The following WDCP variants were observed in gnomAD, a reference collection of about 807,000 sequenced individuals.
WDCP encodes WD repeat and coiled coil containing.
A neutral mutation model predicts 41.6 loss-of-function variants in WDCP; 19 were observed. The ratio of observed to expected loss-of-function variants is 0.46; its 90% CI spans 0.32 to 0.67. The LOEUF (loss-of-function observed/expected upper bound fraction) is 0.67. WDCP is among the 30% of genes least tolerant of loss of function. The pLI, the probability that WDCP is intolerant of heterozygous loss-of-function variation, is 0.04. For missense variants in WDCP, 802 were observed against 850.7 expected, an observed-to-expected ratio of 0.94 and a Z score of 0.71; for synonymous variants, 302 against 320.8, an observed-to-expected ratio of 0.94 and a Z score of 0.63.
At chr2:24,046,388 A>G (rs918478805) in intron 1 of WDCP, among the ~76,000 whole-genome samples, 2 of 152,184 alleles carry the variant, frequency 1.3e-5, no homozygotes, top group African/African-American at 4.8e-5. Context: ...TTGTATACCT[A>G]TTGTTTCACA....
Position 24,037,885 on chromosome 2 carries a change from AGTGTGCTGGTGTGGTCTG to A in WDCP, c.1592_1609del (p.Pro531_Thr536del), listed in dbSNP as rs778019108. The stretch of plus-strand genomic sequence containing the variant: ...TCTTTGAGGCAAACGAGGAGGCTCC[AGTGTGCTGGTGTGGTCTG>A]GTGTGCTGCTGTGTCTGGGCAGCGA... On this transcript the variant is annotated inframe_deletion, in exon 2 of 4. Transcript: ENST00000295148. 4.0e-5 allele frequency: 64 copies of A among 1,614,050 alleles called. 1 individual carries two copies. In the East Asian group the frequency reaches 1.4e-3, roughly 35 times the overall value.
chr2:24,046,778 T>C (rs1663639778), intron 1 of WDCP, among the ~76,000 whole-genome samples: 1 of 152,252 alleles, frequency 6.6e-6, no homozygotes, highest in African/African-American at 2.4e-5. Context: ...AAGAAAATTA[T>C]GACTAATCCC....
In WDCP at chr2:24,038,714, C is replaced by A. The variant is rs778999786; in HGVS notation, c.781G>T (p.Asp261Tyr). The change falls in exon 2 of 4, where the codon GAT becomes TAT. Residue 261 changes from aspartate (D) to tyrosine (Y), a missense_variant. Around this residue, in one of 5 missense-constraint regions of WDCP, gnomAD observed 247 missense variants for 240.5 expected, o/e 1.03. Transcript: ENST00000295148. Reference protein sequence around the residue: ...LPVIGEVRSMDKEATDSETNS... With the variant: ...LPVIGEVRSMYKEATDSETNS... ...GTTTCAGAATCAGTTGCCTCTTTAT[C>A]CATAGAGCGTACTTCACCAATAACT... 4 of 1,614,068 alleles carry A rather than the reference C, an allele frequency of 2.5e-6. No homozygotes were observed. The African/African-American group carries it at 5.3e-5, about 22-fold the overall frequency.
chr2:24,040,294 T>C (rs1488171432), intron 1 of WDCP, among the ~76,000 whole-genome samples: 1 of 152,230 alleles, frequency 6.6e-6, no homozygotes. Context: ...AGCAAAATGT[T>C]AATAATTGTA....
intron 1 of WDCP, among the ~76,000 whole-genome samples, chr2:24,043,223 C>G (rs1202260327): frequency 6.6e-6 from 1 of 152,110 alleles, no homozygotes; most frequent in Admixed American, 6.6e-5. Flanking sequence ...GTAATCCCAG[C>G]TACTTGGGAG....
rs773834149 is a variant in WDCP, at chr2:24,037,886, G to C, written c.1609C>G (p.Leu537Val). The change falls in exon 2 of 4, where the codon CTG becomes GTG. Residue 537 changes from leucine to valine, a missense_variant. Physicochemically the swap from Leu to Val is conservative, Grantham distance 32. Transcript: ENST00000295148. ...HSSTPDHTST[L>V]EPPRLPQRKN... ...CTTTGAGGCAAACGAGGAGGCTCCA[G>C]TGTGCTGGTGTGGTCTGGTGTGCTG... is the stretch of plus-strand genomic sequence containing the variant. 13 of 1,614,078 alleles carry C rather than the reference G, an allele frequency of 8.1e-6. No individual in the cohort carries two copies. Among genetic ancestry groups the C allele is most frequent in the Non-Finnish European group, 1.1e-5 (13 of 1,180,032 alleles).
intron 2 of WDCP, among the ~76,000 whole-genome samples, chr2:24,035,381 A>T (rs189888607): frequency 1.3e-5 from 2 of 152,268 alleles, no homozygotes; most frequent in Admixed American, 1.3e-4. Context: ...TGCATAAAGA[A>T]ATAAAAATAA....
chr2:24,038,618 G>A lies in WDCP; in HGVS notation c.877C>T (p.His293Tyr). 1.9e-6 allele frequency: 3 copies of A among 1,614,122 alleles called. No homozygotes were observed. The highest frequency in any genetic ancestry group is 2.5e-6 in the Non-Finnish European group (3 of 1,179,968). The change falls in exon 2 of 4, where the codon CAT becomes TAT. Residue 293 changes from histidine to tyrosine, a missense_variant. Coordinates refer to ENST00000295148, the MANE Select transcript of WDCP (RefSeq NM_025203.3). ...ATAAGAGAATTACCCTCAGACTTATGTTGATTGAAATGTATGTGAGTTAGA... is the reference window on the plus strand; with the variant it reads ...ATAAGAGAATTACCCTCAGACTTATATTGATTGAAATGTATGTGAGTTAGA... ...LDLTHIHFNQ[H>Y]KSEGNSLICL...
intron 2 of WDCP, among the ~76,000 whole-genome samples, chr2:24,035,229 A>G (rs903996079): frequency 3.3e-5 from 5 of 151,918 alleles, no homozygotes; most frequent in African/African-American, 1.2e-4. Flanking sequence ...GGAAAAAAAG[A>G]TGAAAAAAGA....
intron 3 of WDCP, among the ~76,000 whole-genome samples, chr2:24,031,566 C>CCTA (rs1319553110): frequency 6.6e-6 from 1 of 152,216 alleles, no homozygotes; most frequent in Non-Finnish European, 1.5e-5. Context: ...GTGGCTCACG[C>CCTA]CTATAATCCC....
intron 2 of WDCP, chr2:24,033,285 A>C: frequency 2.2e-6 from 1 of 451,964 alleles, no homozygotes; most frequent in East Asian, 6.6e-5. Context: ...GCTGTTTCAG[A>C]TATAGCTAAG....
At chr2:24,043,650 C>T (rs1447895509) in intron 1 of WDCP, among the ~76,000 whole-genome samples, 1 of 152,162 alleles carries the variant, frequency 6.6e-6, no homozygotes, top group Non-Finnish European at 1.5e-5. Context: ...GAATTCCATT[C>T]CAATTTCTTC....
In WDCP at chr2:24,029,670, AACAG is replaced by A. The variant is rs1384589336; in HGVS notation, c.*1259_*1262del. The stretch of plus-strand genomic sequence containing the variant: ...ACCCAGCTCCATCTTGGTAAACTGT[AACAG>A]ACAGACAGGAGTCCCCAAGGGCACA... On this transcript the variant is annotated 3_prime_UTR_variant, in exon 4 of 4. Coordinates refer to ENST00000295148, the MANE Select transcript of WDCP (RefSeq NM_025203.3). 1.3e-5 allele frequency: 2 copies of A among 152,336 alleles called. No individual in the cohort carries two copies. Among genetic ancestry groups the A allele is most frequent in the African/African-American group, 4.8e-5 (2 of 41,558 alleles). The allele number at this position is 152,336 out of a possible 1,614,324, so 9.4% of individuals were successfully genotyped here.
intron 1 of WDCP, among the ~76,000 whole-genome samples, chr2:24,043,227 T>C (rs1434011514): frequency 1.3e-5 from 2 of 152,080 alleles, no homozygotes; most frequent in Non-Finnish European, 1.5e-5. Flanking sequence ...TCCCAGCTAC[T>C]TGGGAGGCTG....
Position 24,037,821 on chromosome 2 carries a change from A to G in WDCP, c.1674T>C (p.Ser558=). Residue 558 remains serine (S), a synonymous_variant, in exon 2 of 4, where the codon TCT becomes TCC. Transcript: ENST00000295148. The part of the protein sequence containing the change: ...LQSEKETYQL[S]KEVEILSRNL... Reference sequence around the variant, plus strand: ...TCCTAGATAAAATTTCCACTTCCTTAGACAGCTGATAAGTTTCCTTTTCAC... The same window carrying G: ...TCCTAGATAAAATTTCCACTTCCTTGGACAGCTGATAAGTTTCCTTTTCAC... The G allele has an allele frequency of 6.2e-7, 1 of 1,614,196 alleles. No individual in the cohort carries two copies. Among genetic ancestry groups the G allele is most frequent in the South Asian group, 1.1e-5 (1 of 91,078 alleles).
chr2:24,040,322 AT>A (rs1465291895), intron 1 of WDCP, among the ~76,000 whole-genome samples: 1 of 152,256 alleles, frequency 6.6e-6, no homozygotes, highest in Non-Finnish European at 1.5e-5. Flanking sequence ...GATTGAGGCT[AT>A]GTTAGTATTT....
chr2:24,036,653 G>T (rs917242965), intron 2 of WDCP, among the ~76,000 whole-genome samples: 1 of 152,184 alleles, frequency 6.6e-6, no homozygotes, highest in Non-Finnish European at 1.5e-5. Flanking sequence ...AGCATCATTT[G>T]GAGTAGCTAA....
At chr2:24,043,718 T>C (rs1325927551) in intron 1 of WDCP, among the ~76,000 whole-genome samples, 2 of 152,192 alleles carry the variant, frequency 1.3e-5, no homozygotes, top group African/African-American at 2.4e-5. Flanking sequence ...CTAAATGACA[T>C]TTTTCAGCCT....
At chr2:24,035,314 TCCCTTTTGTGTAACAAAAGGGGAAATAAA>T (rs143279077) in intron 2 of WDCP, among the ~76,000 whole-genome samples, 11,258 of 151,964 alleles carry the variant, frequency 0.074, 484 homozygotes, top group African/African-American at 0.097. Context: ...TATATCACCT[TCCCTTTTGTGTAACAAAAGGGGAAATAAA>T]AATACATAAC....
Sources: allele counts gnomAD v4.1 joint callset (sites outside exome capture counted in the v4.1 genomes callset), GRCh38; gene constraint gnomAD v4.1.1; regional missense constraint gnomAD v4.1.1; transcripts MANE v1.5; gene names NCBI Gene and HGNC (gene_info 2026-07-23, HGNC 2026-07-21).